GPR161: variants seen among roughly 807,000 people sequenced by gnomAD.
GPR161 encodes the protein G protein-coupled receptor 161.
Under a neutral mutation model 39.2 loss-of-function variants are expected in GPR161, and 25 were observed. The observed-to-expected ratio is 0.64, with a 90% CI of 0.47 to 0.89. The LOEUF (loss-of-function observed/expected upper bound fraction) is 0.89, where lower values mean the gene tolerates loss of function less well. Among genes scored for constraint, GPR161 ranks in the 40% least tolerant of loss-of-function variants. The probability of loss-of-function intolerance (pLI) is 0.00; values close to 1 mark genes in which losing one functional copy is unlikely to be tolerated. For synonymous variants in GPR161, 286 were observed against 276.6 expected (o/e 1.03, Z -0.34); for missense variants, 547 against 677.8 (o/e 0.81, Z 2.14).
At position 168,085,435 on chromosome 1, in the gene GPR161, A is replaced by T; in HGVS notation, c.*96T>A. The T allele has an allele frequency of 8.6e-7, 1 of 1,164,844 alleles. No homozygotes were observed. The highest frequency in any genetic ancestry group is 1.2e-6 in the Non-Finnish European group (1 of 806,810). The allele number at this position is 1,164,844 out of a possible 1,614,324, so 72.2% of individuals were successfully genotyped here. ...CTTCCCTGTGTGTGGCCAGCTGTAC[A>T]CAGTGACATGCTCCCAAGGCCGCGG... On this transcript the variant is annotated 3_prime_UTR_variant, in exon 6 of 6. Coordinates refer to ENST00000682931, the MANE Select transcript of GPR161 (RefSeq NM_001375883.1).
chr1:168,136,383 C>A, intron 1 of GPR161: 1 of 1,423,484 alleles, frequency 7.0e-7, no homozygotes, highest in Non-Finnish European at 9.2e-7. Context: ...GGGCACGCAC[C>A]TACGCCCTCC....
At chr1:168,129,175 C>T (rs1698808698) in intron 1 of GPR161, among the ~76,000 whole-genome samples, 1 of 152,116 alleles carries the variant, frequency 6.6e-6, no homozygotes, top group Non-Finnish European at 1.5e-5. Flanking sequence ...AGGGGTGGGT[C>T]ATCAGGGAAG....
chr1:168,091,215 C>G (rs1389990908), intron 3 of GPR161, among the ~76,000 whole-genome samples: 1 of 151,438 alleles, frequency 6.6e-6, no homozygotes, highest in Non-Finnish European at 1.5e-5. Context: ...AACTCAGGAA[C>G]GGGGTTGGGG....
Position 168,105,950 on chromosome 1 carries a change from G to A in GPR161, c.-44-1056C>T, listed in dbSNP as rs771951717. Among the ~76,000 whole-genome samples the A allele has an allele frequency of 4.1e-4, 63 of 152,272 alleles. 1 individual carries two copies. The highest frequency in any genetic ancestry group is 1.2e-3 in the South Asian group (6 of 4,824). On this transcript the variant is annotated intron_variant, in intron 1 of 5. Transcript: ENST00000682931. ...GCCTAAACTGCCTACACACAGCAGC[G>A]GGGCCATCCTCACAACCCTCGTGGT...
rs753193724 is a variant in GPR161 at position 168,096,462 on chromosome 1, G to C, written c.1099+46C>G. The stretch of plus-strand genomic sequence containing the variant: ...GGCCAGAGTGGCTGAGAGGACCACA[G>C]ATTTCATCTGCCTCGGAGGGGCTAT... On this transcript the variant is annotated intron_variant, in intron 3 of 5. Transcript: ENST00000682931. 4 of 1,577,140 alleles carry C rather than the reference G, an allele frequency of 2.5e-6. No individual in the cohort carries two copies. The East Asian group carries it at 9.0e-5, about 35-fold the overall frequency.
chr1:168,130,071 C>T (rs1411472641), intron 1 of GPR161, among the ~76,000 whole-genome samples: 2 of 152,180 alleles, frequency 1.3e-5, no homozygotes, highest in Admixed American at 6.5e-5. Context: ...TCCTTTAGTT[C>T]CTTACCAGTC....
At chr1:168,103,785 CA>C in intron 2 of GPR161, among the ~76,000 whole-genome samples, 1 of 152,312 alleles carries the variant, frequency 6.6e-6, no homozygotes, top group East Asian at 1.9e-4. Flanking sequence ...TGGCCATTAG[CA>C]AAATTCTAAT....
chr1:168,106,447 G>A (rs768069955), intron 1 of GPR161, among the ~76,000 whole-genome samples: 3 of 152,146 alleles, frequency 2.0e-5, no homozygotes, highest in Non-Finnish European at 4.4e-5. Context: ...AAAATTATCC[G>A]GGAATGGTCG....
In GPR161 at chr1:168,131,012, G is replaced by C. The variant is rs1698946981; in HGVS notation, c.-45+5727C>G. 1.2e-4 allele frequency among the ~76,000 whole-genome samples: 18 copies of C among 152,234 alleles called. 1 individual carries two copies. The South Asian group carries it at 3.5e-3, about 30-fold the overall frequency. On this transcript the variant is annotated intron_variant, in intron 1 of 5. Transcript: ENST00000682931. Reference sequence around the variant, plus strand: ...TATTAATGAACATGTCTGAGCTGTGGATTTCCATACTGACTCTCTAGGATT... The same window carrying C: ...TATTAATGAACATGTCTGAGCTGTGCATTTCCATACTGACTCTCTAGGATT...
intron 1 of GPR161, chr1:168,136,054 C>T: frequency 8.0e-7 from 1 of 1,248,036 alleles, no homozygotes; most frequent in Non-Finnish European, 1.0e-6. Context: ...AAAGGTTGCA[C>T]GGGGGTTAAG....
chr1:168,125,315 A>G (rs986878292), intron 1 of GPR161, among the ~76,000 whole-genome samples: 15 of 152,208 alleles, frequency 9.9e-5, no homozygotes, highest in South Asian at 8.3e-4. Context: ...CAGGAAACAA[A>G]GACCCTTGAA....
intron 5 of GPR161, 106 bp from the exon 6 acceptor site, chr1:168,085,902 G>T: frequency 1.1e-6 from 1 of 919,002 alleles, no homozygotes. Context: ...GAGACAAACC[G>T]CAGTTAAGGG....
At chr1:168,115,710 T>C (rs941052870) in intron 1 of GPR161, among the ~76,000 whole-genome samples, 18 of 151,890 alleles carry the variant, frequency 1.2e-4, no homozygotes, top group African/African-American at 4.4e-4. Context: ...TCCTGACGCC[T>C]CTCTAATGAG....
chr1:168,130,669 C>T (rs1558142440), intron 1 of GPR161, among the ~76,000 whole-genome samples: 1 of 152,332 alleles, frequency 6.6e-6, no homozygotes, highest in Admixed American at 6.5e-5. Context: ...CCCACTTAAA[C>T]ACTGATGACT....
intron 3 of GPR161, among the ~76,000 whole-genome samples, chr1:168,091,486 A>G (rs374678682): frequency 2.9e-4 from 44 of 152,160 alleles, no homozygotes; most frequent in African/African-American, 9.9e-4. Context: ...AGGCACTGAG[A>G]GTCAGGTGCC....
At chr1:168,093,828 T>A (rs1695280569) in intron 3 of GPR161, among the ~76,000 whole-genome samples, 1 of 152,202 alleles carries the variant, frequency 6.6e-6, no homozygotes, top group Non-Finnish European at 1.5e-5. Flanking sequence ...CAGCGCAGGG[T>A]GAGCGGCTGG....
intron 5 of GPR161, 142 bp downstream of exon 5, chr1:168,087,443 G>A: frequency 1.0e-6 from 1 of 973,132 alleles, no homozygotes; most frequent in East Asian, 2.4e-5. Flanking sequence ...GAGACCAACA[G>A]GGCTGGGAGT....
rs1356316968 is a variant in GPR161 at position 168,098,973 on chromosome 1, C to G, written c.375-1741G>C. On this transcript the variant is annotated intron_variant, in intron 2 of 5. Transcript: ENST00000682931. The surrounding 1 kb of genome is among the most constrained non-coding windows in gnomAD (Gnocchi z 4.1). ...CCTCTCAGAGCTTCAGTTCCCTCAT[C>G]TGGAAAATGGGAATTCTGGCACCCA... Among the ~76,000 whole-genome samples the G allele has an allele frequency of 6.6e-6, 1 of 152,210 alleles. No individual in the cohort carries two copies. The highest frequency in any genetic ancestry group is 2.4e-5 in the African/African-American group (1 of 41,452).
At chr1:168,136,343 AG>A in intron 1 of GPR161, 7 of 1,477,108 alleles carry the variant, frequency 4.7e-6, no homozygotes, top group Admixed American at 2.2e-5. Flanking sequence ...TCTTGGCCCC[AG>A]GGGGCGCGGC....
Sources: allele counts gnomAD v4.1 joint callset (sites outside exome capture counted in the v4.1 genomes callset), GRCh38; gene constraint gnomAD v4.1.1; non-coding constraint Gnocchi (gnomAD v3.1); transcripts MANE v1.5; gene names NCBI Gene and HGNC (gene_info 2026-07-23, HGNC 2026-07-21).